MRPS5: variants seen among roughly 807,000 people sequenced by gnomAD.
The protein encoded by MRPS5 is small ribosomal subunit protein uS5m.
Under a neutral mutation model 51.9 loss-of-function variants are expected in MRPS5, and 27 were observed. The ratio of observed to expected loss-of-function variants is 0.52; its 90% CI spans 0.38 to 0.72. MRPS5 has a LOEUF of 0.72. Among genes scored for constraint, MRPS5 ranks in the 30% least tolerant of loss-of-function variants. The pLI is 0.00. For synonymous variants in MRPS5, 196 were observed against 193.2 expected (o/e 1.01, Z -0.12); for missense variants, 570 against 545.7 (o/e 1.04, Z -0.44).
Position 95,108,322 on chromosome 2 carries a change from C to T in MRPS5, c.490G>A (p.Glu164Lys), listed in dbSNP as rs367546102. The change falls in exon 5 of 12, where the codon GAG becomes AAG. Residue 164 changes from glutamate to lysine, a missense_variant. Transcript: ENST00000272418. ...VQTIAQRSKEEQEKVEADMIQ... is the reference protein window; with the variant it reads ...VQTIAQRSKEKQEKVEADMIQ... The stretch of plus-strand genomic sequence containing the variant: ...ATGTCTGCCTCCACCTTCTCCTGCT[C>T]TTCCTTGCTTCTTTGGGCAATGGTC... 1.2e-5 allele frequency: 19 copies of T among 1,614,062 alleles called. No individual in the cohort carries two copies. Among genetic ancestry groups the T allele is most frequent in the Non-Finnish European group, 1.5e-5 (18 of 1,180,042 alleles).
chr2:95,115,038 A>T, intron 3 of MRPS5, 28 bp downstream of exon 3: 1 of 1,481,396 alleles, frequency 6.8e-7, no homozygotes, highest in Non-Finnish European at 9.0e-7. Flanking sequence ...GTTTCAAGAA[A>T]CAGGAAGTTT....
rs141178008 is a variant in MRPS5 at position 95,119,992 on chromosome 2, G to A, written c.58+1742C>T. On this transcript the variant is annotated intron_variant, in intron 1 of 11. Transcript: ENST00000272418. The stretch of plus-strand genomic sequence containing the variant: ...GTGGGAGGATGGATTAAGCCCAGGA[G>A]ATGGAGGCTGCAGTGAGCCGTGATC... 2.5e-3 allele frequency among the ~76,000 whole-genome samples: 386 copies of A among 152,376 alleles called. 2 individuals carry two copies. Among genetic ancestry groups the A allele is most frequent in the Non-Finnish European group, 4.8e-3 (328 of 68,040 alleles).
intron 7 of MRPS5, chr2:95,104,124 AC>A (rs1675879071): frequency 6.3e-6 from 1 of 158,252 alleles, no homozygotes; most frequent in South Asian, 1.8e-4. Flanking sequence ...AACACTATTA[AC>A]CTTTACAGTG....
intron 1 of MRPS5, among the ~76,000 whole-genome samples, chr2:95,118,439 C>T (rs1212649503): frequency 2.6e-5 from 4 of 152,276 alleles, no homozygotes; most frequent in Non-Finnish European, 5.9e-5. Context: ...AGCTTCCACA[C>T]CAGCCTGCTG....
At chr2:95,115,545 G>A (rs548531873) in intron 2 of MRPS5, among the ~76,000 whole-genome samples, 2 of 152,286 alleles carry the variant, frequency 1.3e-5, no homozygotes, top group East Asian at 3.9e-4. Flanking sequence ...AGCCAGCAAC[G>A]TATTGCTGTG....
intron 10 of MRPS5, among the ~76,000 whole-genome samples, chr2:95,099,937 AG>A (rs1675746867): frequency 6.6e-6 from 1 of 152,234 alleles, no homozygotes; most frequent in Non-Finnish European, 1.5e-5. Context: ...GCAAATCAGC[AG>A]GTTCAAGAAT....
Position 95,087,187 on chromosome 2 carries a change from T to G in MRPS5, c.*170A>C, listed in dbSNP as rs930134583. 73 of 581,722 alleles carry G rather than the reference T, an allele frequency of 1.3e-4. No individual in the cohort carries two copies. Among genetic ancestry groups the G allele is most frequent in the Non-Finnish European group, 2.0e-4 (65 of 330,892 alleles). The allele number at this position is 581,722 out of a possible 1,614,324, so 36.0% of individuals were successfully genotyped here. A position where few individuals can be genotyped will look rare whatever the true frequency, so the allele number is the denominator to read the frequency against. Reference sequence around the variant, plus strand: ...ATGTAAAGGTTCTATCACATTGGCATATAACATGTGCTCAACAAATGAAAG... The same window carrying G: ...ATGTAAAGGTTCTATCACATTGGCAGATAACATGTGCTCAACAAATGAAAG... On this transcript the variant is annotated 3_prime_UTR_variant, in exon 12 of 12. Coordinates refer to ENST00000272418, the MANE Select transcript of MRPS5 (RefSeq NM_031902.5).
At chr2:95,106,488 T>C (rs763938067) in intron 5 of MRPS5, 31 bp from the exon 6 acceptor site, 5 of 1,572,300 alleles carry the variant, frequency 3.2e-6, no homozygotes. Flanking sequence ...GGGATACAGA[T>C]GAAATGTGTG....
chr2:95,090,670 A>G, intron 10 of MRPS5, 148 bp from the exon 11 acceptor site: 1 of 742,124 alleles, frequency 1.3e-6, no homozygotes, highest in Non-Finnish European at 2.2e-6. Flanking sequence ...CTGACCCTTG[A>G]CAACTTACTT....
chr2:95,117,970 T>TTA, intron 1 of MRPS5, 25 bp from the exon 2 acceptor site: 1 of 1,531,948 alleles, frequency 6.5e-7, no homozygotes, highest in Non-Finnish European at 8.9e-7. Context: ...AAAAAAAATT[T>TTA]AAGATACATT....
chr2:95,104,840 G>A lies in MRPS5; in HGVS notation c.673-110C>T, dbSNP rs1675904430. The A allele has an allele frequency of 4.7e-6, 4 of 846,084 alleles. No individual in the cohort carries two copies. The South Asian group carries it at 6.6e-5, about 14-fold the overall frequency. The allele number at this position is 846,084 out of a possible 1,614,324, so 52.4% of individuals were successfully genotyped here. A position where few individuals can be genotyped will look rare whatever the true frequency, so the allele number is the denominator to read the frequency against. On this transcript the variant is annotated intron_variant, in intron 6 of 11. Coordinates refer to ENST00000272418, the MANE Select transcript of MRPS5 (RefSeq NM_031902.5). ...TACACGGTGAACAGGCACACACAGAGAACAGGCACACCATCCTCCAACTCC... is the reference window on the plus strand; with the variant it reads ...TACACGGTGAACAGGCACACACAGAAAACAGGCACACCATCCTCCAACTCC...
chr2:95,105,605 G>A (rs183691536), intron 6 of MRPS5, among the ~76,000 whole-genome samples: 1 of 152,044 alleles, frequency 6.6e-6, no homozygotes, highest in East Asian at 1.9e-4. Context: ...GTGGCAGCTG[G>A]CTCTCTGGTG....
chr2:95,116,960 G>A (rs927417657), intron 2 of MRPS5, among the ~76,000 whole-genome samples: 5 of 152,176 alleles, frequency 3.3e-5, no homozygotes, highest in Admixed American at 6.5e-5. Context: ...AGCCAACATA[G>A]TGAAACCCCG....
rs184012482 is a variant in MRPS5 at position 95,102,066 on chromosome 2, G to T, written c.764-343C>A. Reference sequence around the variant, plus strand: ...TCCCAACTACTCAGGAGGCTGAGATGGGAGGATTACTTGAGTTTAGGAGTT... The same window carrying T: ...TCCCAACTACTCAGGAGGCTGAGATTGGAGGATTACTTGAGTTTAGGAGTT... On this transcript the variant is annotated intron_variant, in intron 7 of 11. Transcript: ENST00000272418. The T allele has an allele frequency of 3.0e-5, 6 of 198,560 alleles. No individual in the cohort carries two copies. The East Asian group carries it at 8.3e-4, about 27-fold the overall frequency. 12.3% of individuals were successfully genotyped at this position (198,560 alleles called of 1,614,324 possible).
In MRPS5 at chr2:95,100,820, AAT is replaced by A. The variant is rs1675774055; in HGVS notation, c.868+15_868+16del. 1.9e-6 allele frequency: 3 copies of A among 1,570,950 alleles called. No homozygotes were observed. The highest frequency in any genetic ancestry group is 2.2e-5 in the East Asian group (1 of 44,490). On this transcript the variant is annotated intron_variant, in intron 9 of 11. Coordinates refer to ENST00000272418, the MANE Select transcript of MRPS5 (RefSeq NM_031902.5). ...TAATCCTGCAAATTAAAAAAAAAAA[AAT>A]AGATTATCACTCACTTGTATGGTCT... is the stretch of plus-strand genomic sequence containing the variant.
intron 6 of MRPS5, among the ~76,000 whole-genome samples, chr2:95,105,442 C>T (rs367547552): frequency 2.6e-5 from 4 of 151,436 alleles, no homozygotes; most frequent in Non-Finnish European, 5.9e-5. Flanking sequence ...CCCAGCTACT[C>T]GGGAGGCTGA....
intron 1 of MRPS5, among the ~76,000 whole-genome samples, chr2:95,118,454 A>ACACCAG (rs1676352141): frequency 6.6e-6 from 1 of 152,144 alleles, no homozygotes. Flanking sequence ...CTGCTGCCCC[A>ACACCAG]CCTTTCTCTC....
At chr2:95,108,096 G>C (rs1190888775) in intron 5 of MRPS5, 79 bp downstream of exon 5, 23 of 1,265,008 alleles carry the variant, frequency 1.8e-5, no homozygotes, top group Non-Finnish European at 2.6e-5. Flanking sequence ...AAACAGACAA[G>C]TAATAACACC....
At chr2:95,090,608 T>C in intron 10 of MRPS5, 86 bp from the exon 11 acceptor site, 1 of 1,528,010 alleles carries the variant, frequency 6.5e-7, no homozygotes, top group Non-Finnish European at 8.9e-7. Context: ...GGCTTCAGGC[T>C]CTGGGCTTCG....
Sources: allele counts gnomAD v4.1 joint callset (sites outside exome capture counted in the v4.1 genomes callset), GRCh38; gene constraint gnomAD v4.1.1; transcripts MANE v1.5; gene names NCBI Gene and HGNC (gene_info 2026-07-23, HGNC 2026-07-21).